Variants in UPRT observed in about 807,000 individuals in gnomAD.
UPRT encodes the protein uracil phosphoribosyltransferase homolog.
UPRT carries 5 observed loss-of-function variants against 22.6 expected under a neutral mutation model. That is an observed-to-expected ratio of 0.22 (90% confidence interval 0.12 to 0.47). UPRT has a LOEUF of 0.47. Among genes scored for constraint, UPRT ranks in the 20% least tolerant of loss-of-function variants. UPRT has a pLI of 0.99. For synonymous variants in UPRT, 77 were observed against 87.7 expected (o/e 0.88, Z 0.68); for missense variants, 181 against 239.9 (o/e 0.75, Z 1.62).
intron 1 of UPRT, among the ~76,000 whole-genome samples, chrX:75,277,367 A>G: frequency 9.0e-6 from 1 of 111,622 alleles, no homozygotes; most frequent in African/African-American, 3.2e-5. Flanking sequence ...ATTAGTCAGA[A>G]AAACCTGGGT....
chrX:75,206,523 GA>G (rs1198505162), intron 4 of UPRT, among the ~76,000 whole-genome samples: 1 of 111,389 alleles, frequency 9.0e-6, no homozygotes, highest in Non-Finnish European at 1.9e-5. Context: ...GTGCACATAT[GA>G]AAGTACAGAA....
intron 4 of UPRT, among the ~76,000 whole-genome samples, chrX:75,218,915 C>T (rs1162396512): frequency 9.0e-6 from 1 of 110,684 alleles, no homozygotes; most frequent in African/African-American, 3.3e-5. Flanking sequence ...GGAGGGATAG[C>T]TTTAGGAGAT....
intron 1 of UPRT, among the ~76,000 whole-genome samples, chrX:75,157,084 A>G (rs1246348895): frequency 8.9e-6 from 1 of 112,444 alleles, no homozygotes; most frequent in Non-Finnish European, 1.9e-5. Flanking sequence ...ACAGGCTTAT[A>G]TTCTTTTGTC....
chrX:75,298,323 C>T (rs192560160), intron 4 of UPRT, among the ~76,000 whole-genome samples: 1 of 110,301 alleles, frequency 9.1e-6, no homozygotes, highest in African/African-American at 3.3e-5. Context: ...ATGATGAGTA[C>T]GTGACCACAT....
At chrX:75,242,588 C>T (rs189074935) in intron 4 of UPRT, among the ~76,000 whole-genome samples, 23 of 94,217 alleles carry the variant, frequency 2.4e-4, no homozygotes, top group African/African-American at 8.2e-4. Context: ...TGCTCCTGCA[C>T]TTACTGCTTG....
At chrX:75,201,070 T>C (rs1008747357) in intron 4 of UPRT, among the ~76,000 whole-genome samples, 1 of 112,539 alleles carries the variant, frequency 8.9e-6, no homozygotes, top group African/African-American at 3.2e-5. Flanking sequence ...ATCCTCCACT[T>C]ATCCTAAATT....
intron 4 of UPRT, among the ~76,000 whole-genome samples, chrX:75,264,251 G>A (rs902687194): frequency 1.8e-5 from 2 of 111,614 alleles, no homozygotes; most frequent in Non-Finnish European, 3.8e-5. Flanking sequence ...ACTTGGTGCA[G>A]AGCTGAGTTC....
chrX:75,232,039 CA>C (rs1338315265), intron 4 of UPRT, among the ~76,000 whole-genome samples: 1 of 111,736 alleles, frequency 8.9e-6, no homozygotes, highest in Non-Finnish European at 1.9e-5. Context: ...GGGTTCATCT[CA>C]CTAGGGAGTG....
chrX:75,282,225 T>C (rs1433689964), intron 1 of UPRT, among the ~76,000 whole-genome samples: 2 of 58,789 alleles, frequency 3.4e-5, no homozygotes, highest in African/African-American at 8.5e-5. Flanking sequence ...TTTTGTTTCA[T>C]TTATCTTATA....
At chrX:75,162,619 C>G (rs1016995959) in intron 2 of UPRT, among the ~76,000 whole-genome samples, 2 of 111,355 alleles carry the variant, frequency 1.8e-5, no homozygotes, top group African/African-American at 6.5e-5. Flanking sequence ...TAGGCTGAGC[C>G]TGATGAGGGT....
intron 4 of UPRT, among the ~76,000 whole-genome samples, chrX:75,222,338 G>A (rs1286266128): frequency 9.0e-6 from 1 of 111,328 alleles, no homozygotes; most frequent in East Asian, 2.8e-4. Context: ...ACCACTACCT[G>A]GCCACTGCCT....
At chrX:75,167,831 G>A (rs2082216902) in exon 4 of UPRT, among the ~76,000 whole-genome samples, 1 of 108,998 alleles carries the variant, frequency 9.2e-6, no homozygotes, top group African/African-American at 3.3e-5. Flanking sequence ...CCTGGACTGT[G>A]ACACATCAGC....
rs1221974088 is a variant in UPRT, at chrX:75,251,035, T to A, written c.-446-39989T>A. On this transcript the variant is annotated intron_variant, in intron 4 of 13. Transcript: ENST00000652605. ...AGCCATTCATGCTAAAAACTCTCAA[T>A]AAATTAGGTATTGATGGGATGTATC... Among the ~76,000 whole-genome samples the A allele has an allele frequency of 9.8e-5, 11 of 111,758 alleles. No homozygotes were observed. In the Admixed American group the frequency reaches 1.0e-3, roughly 11 times the overall value.
At chrX:75,182,492 G>A (rs1416981030) in intron 4 of UPRT, among the ~76,000 whole-genome samples, 14 of 111,063 alleles carry the variant, frequency 1.3e-4, no homozygotes, top group African/African-American at 4.6e-4. Flanking sequence ...GTCTTAGGCT[G>A]TTTCTGGTTT....
intron 4 of UPRT, among the ~76,000 whole-genome samples, chrX:75,179,851 G>C (rs760576935): frequency 8.9e-6 from 1 of 112,951 alleles, no homozygotes; most frequent in Non-Finnish European, 1.9e-5. Context: ...CGGAACTCCA[G>C]CTGGCCCGCA....
At chrX:75,291,322 T>G (rs2147698990) in intron 1 of UPRT, 1 of 288,118 alleles carries the variant, frequency 3.5e-6, no homozygotes, top group East Asian at 1.1e-4. Flanking sequence ...TTTTTTACAT[T>G]GTGATAATTT....
At chrX:75,248,648 CAGG>C (rs1366842366) in intron 4 of UPRT, among the ~76,000 whole-genome samples, 1 of 111,778 alleles carries the variant, frequency 8.9e-6, no homozygotes. Flanking sequence ...GGATATTCTC[CAGG>C]AGAACTTCCC....
chrX:75,259,640 T>C (rs1214134843), intron 4 of UPRT, among the ~76,000 whole-genome samples: 1 of 110,928 alleles, frequency 9.0e-6, no homozygotes, highest in African/African-American at 3.3e-5. Flanking sequence ...TTAATTGGTG[T>C]ACCTGAAAGT....
chrX:75,252,354 AAAC>A (rs1285043255), intron 4 of UPRT, among the ~76,000 whole-genome samples: 1 of 112,210 alleles, frequency 8.9e-6, no homozygotes, highest in African/African-American at 3.2e-5. Flanking sequence ...AGAAAAAAAC[AAAC>A]AACCCCATCA....
Sources: gnomAD v4.1 joint callset for allele counts (sites outside exome capture counted in the v4.1 genomes callset) on GRCh38, gnomAD v4.1.1 for gene constraint, MANE v1.5 for transcripts, NCBI Gene and HGNC (gene_info 2026-07-23, HGNC 2026-07-21) for gene names.